The following CFAP54 variants were observed in gnomAD, a reference collection of about 807,000 sequenced individuals.
CFAP54 encodes cilia- and flagella-associated protein 54.
CFAP54 carries 290 observed loss-of-function variants against 370.4 expected under a neutral mutation model. The observed-to-expected ratio is 0.78, with a 90% CI of 0.71 to 0.86. The LOEUF (loss-of-function observed/expected upper bound fraction) is 0.86. Ranked by LOEUF, CFAP54 falls within the 40% of genes least tolerant of loss-of-function variation. CFAP54 has a pLI of 0.00. For missense variants in CFAP54, 3,399 were observed against 3,528.7 expected (o/e 0.96, Z 0.93); for synonymous variants, 1,206 against 1,236.5 (o/e 0.98, Z 0.52).
intron 26 of CFAP54, among the ~76,000 whole-genome samples, chr12:96,603,314 C>T (rs1178704070): frequency 6.6e-6 from 1 of 152,152 alleles, no homozygotes; most frequent in Non-Finnish European, 1.5e-5. Flanking sequence ...AGGGTTTCTG[C>T]CAAGAGATCC....
chr12:96,601,185 A>G (rs1093238), intron 26 of CFAP54, among the ~76,000 whole-genome samples: 104,615 of 152,020 alleles, frequency 0.69, 36,138 homozygotes, highest in Admixed American at 0.71. Flanking sequence ...GAATTTTGTC[A>G]AAGGCCTTTT....
At chr12:96,856,833 G>C (rs994175244) in intron 66 of CFAP54, among the ~76,000 whole-genome samples, 1 of 151,918 alleles carries the variant, frequency 6.6e-6, no homozygotes, top group Non-Finnish European at 1.5e-5. Flanking sequence ...ACATTTTCAG[G>C]TATCTTTACA....
At chr12:96,559,771 A>G (rs1402856772) in intron 17 of CFAP54, among the ~76,000 whole-genome samples, 1 of 152,138 alleles carries the variant, frequency 6.6e-6, no homozygotes, top group Non-Finnish European at 1.5e-5. Context: ...TAATGAGGAC[A>G]TTCTCTCAAA....
intron 45 of CFAP54, among the ~76,000 whole-genome samples, chr12:96,698,444 A>G (rs1957458243): frequency 6.6e-6 from 1 of 152,206 alleles, no homozygotes; most frequent in Admixed American, 6.5e-5. Flanking sequence ...TATCATTGTT[A>G]GACTAGATAA....
intron 27 of CFAP54, among the ~76,000 whole-genome samples, chr12:96,623,205 A>G (rs563090794): frequency 2.6e-5 from 4 of 151,628 alleles, no homozygotes; most frequent in South Asian, 4.2e-4. Context: ...TTTTTTTTGA[A>G]CAAGAGACAT....
At chr12:96,679,095 G>T (rs1275889977) in intron 39 of CFAP54, among the ~76,000 whole-genome samples, 1 of 152,092 alleles carries the variant, frequency 6.6e-6, no homozygotes, top group African/African-American at 2.4e-5. Context: ...AGGACAGTTA[G>T]TTAGTTCTAT....
Position 96,640,242 on chromosome 12 carries a change from G to A in CFAP54, c.4317-3936G>A, listed in dbSNP as rs533314460. Reference sequence around the variant, plus strand: ...CAACTTCAGCAAAGTCTCAGGATACGAAATCAATGTGCAAAAATCACAAGT... The same window carrying A: ...CAACTTCAGCAAAGTCTCAGGATACAAAATCAATGTGCAAAAATCACAAGT... On this transcript the variant is annotated intron_variant, in intron 32 of 67. Coordinates refer to ENST00000524981, the MANE Select transcript of CFAP54 (RefSeq NM_001306084.2). Among the ~76,000 whole-genome samples, 106 of 152,224 alleles carry A rather than the reference G, an allele frequency of 7.0e-4. 1 individual carries two copies. Among genetic ancestry groups the A allele is most frequent in the South Asian group, 5.4e-3 (26 of 4,826 alleles).
intron 32 of CFAP54, among the ~76,000 whole-genome samples, chr12:96,637,837 C>T (rs946891314): frequency 1.3e-5 from 2 of 152,100 alleles, no homozygotes; most frequent in Non-Finnish European, 2.9e-5. Context: ...TGGTCCTATA[C>T]AATTATAAAA....
intron 39 of CFAP54, among the ~76,000 whole-genome samples, chr12:96,671,693 G>A (rs1004976953): frequency 3.9e-5 from 6 of 152,022 alleles, no homozygotes; most frequent in South Asian, 2.1e-4. Context: ...AGGCCAAGGC[G>A]AGTGGATTGC....
intron 3 of CFAP54, among the ~76,000 whole-genome samples, chr12:96,504,363 C>G (rs1218954646): frequency 6.6e-6 from 1 of 151,846 alleles, no homozygotes. Context: ...CCCTATTTTA[C>G]AGAAGAGAAA....
chr12:96,503,102 C>T (rs1955050120), intron 2 of CFAP54, among the ~76,000 whole-genome samples: 3 of 140,786 alleles, frequency 2.1e-5, no homozygotes, highest in Non-Finnish European at 4.6e-5. Context: ...CTTTCTCTCT[C>T]TCTCCTTCCT....
intron 64 of CFAP54, among the ~76,000 whole-genome samples, chr12:96,816,038 T>C (rs1958971137): frequency 6.6e-6 from 1 of 152,192 alleles, no homozygotes; most frequent in Non-Finnish European, 1.5e-5. Context: ...CTGTCTTGGC[T>C]GTATAGCTTC....
chr12:96,834,321 T>C (rs1237719084), intron 66 of CFAP54, among the ~76,000 whole-genome samples: 1 of 152,230 alleles, frequency 6.6e-6, no homozygotes, highest in East Asian at 1.9e-4. Flanking sequence ...CTCAGGCTAG[T>C]GGTGCCTTTG....
At chr12:96,874,878 A>C (rs1033851097) in intron 67 of CFAP54, among the ~76,000 whole-genome samples, 3 of 151,390 alleles carry the variant, frequency 2.0e-5, no homozygotes, top group African/African-American at 4.9e-5. Context: ...CGGCCTCCCA[A>C]AGTGCTGGGA....
intron 1 of CFAP54, among the ~76,000 whole-genome samples, chr12:96,500,379 CATT>C (rs1456323525): frequency 2.0e-5 from 3 of 152,166 alleles, no homozygotes; most frequent in Admixed American, 2.0e-4. Context: ...AGTGGATAGA[CATT>C]ATATACATTT....
chr12:96,771,525 C>A (rs373127898), intron 60 of CFAP54, among the ~76,000 whole-genome samples: 1 of 151,976 alleles, frequency 6.6e-6, no homozygotes, highest in African/African-American at 2.4e-5. Flanking sequence ...GGTGGTGGGC[C>A]CCTGTAGTCC....
chr12:96,687,445 T>A (rs566776821), intron 42 of CFAP54, among the ~76,000 whole-genome samples: 80 of 152,264 alleles, frequency 5.3e-4, no homozygotes, highest in African/African-American at 1.9e-3. Flanking sequence ...CATGAGAAAT[T>A]TGAAAAGTAT....
chr12:96,767,744 C>A (rs1165530385), intron 60 of CFAP54, among the ~76,000 whole-genome samples: 1 of 152,024 alleles, frequency 6.6e-6, no homozygotes, highest in African/African-American at 2.4e-5. Context: ...GGGCAAAATT[C>A]CTTAACAACA....
Position 96,550,283 on chromosome 12 carries a change from A to G in CFAP54, c.2154+2305A>G, listed in dbSNP as rs1463401647. On this transcript the variant is annotated intron_variant, in intron 15 of 67. Transcript: ENST00000524981. ...GGGTCTTTGAAATTTTTTGATGTTA[A>G]AAAGATACCCTGGCTGGGCGTGGTG... 5.3e-5 allele frequency among the ~76,000 whole-genome samples: 8 copies of G among 152,292 alleles called. No homozygotes were observed. In the East Asian group the frequency reaches 9.6e-4, roughly 18 times the overall value.
Sources: gnomAD v4.1 joint callset for allele counts (sites outside exome capture counted in the v4.1 genomes callset) on GRCh38, gnomAD v4.1.1 for gene constraint, MANE v1.5 for transcripts, NCBI Gene and HGNC (gene_info 2026-07-23, HGNC 2026-07-21) for gene names.